Variants in SCML2 observed in about 807,000 individuals in gnomAD.
SCML2 encodes the protein Scm polycomb group protein like 2.
SCML2 carries 6 observed loss-of-function variants against 48.4 expected under a neutral mutation model. The ratio of observed to expected loss-of-function variants is 0.12; its 90% CI spans 0.07 to 0.24. The LOEUF (loss-of-function observed/expected upper bound fraction) is 0.24, where lower values mean the gene tolerates loss of function less well. Among genes scored for constraint, SCML2 ranks in the 10% least tolerant of loss-of-function variants. The pLI, the probability that SCML2 is intolerant of heterozygous loss-of-function variation, is 1.00. For synonymous variants in SCML2, 181 were observed against 189.5 expected (o/e 0.95, Z 0.37); for missense variants, 377 against 528.2 (o/e 0.71, Z 2.81).
rs375173055 is a variant in SCML2, at chrX:18,347,302, G to A, written c.-25+7290C>T. ...TCTACCAAAAATACAAAAATTAGCCGGGTGTGGTGGCGGGCACCTGTAGTC... is the reference window on the plus strand; with the variant it reads ...TCTACCAAAAATACAAAAATTAGCCAGGTGTGGTGGCGGGCACCTGTAGTC... On this transcript the variant is annotated intron_variant, in intron 1 of 14. Transcript: ENST00000251900. Among the ~76,000 whole-genome samples the A allele has an allele frequency of 9.2e-4, 100 of 108,247 alleles. 1 individual carries two copies. The highest frequency in any genetic ancestry group is 2.9e-3 in the African/African-American group (85 of 29,716). The allele number at this position is 108,247 out of a possible 115,157, so 94.0% of individuals were successfully genotyped here. A position where few individuals can be genotyped will look rare whatever the true frequency, so the allele number is the denominator to read the frequency against.
At chrX:18,304,049 AT>A (rs1928678061) in intron 7 of SCML2, among the ~76,000 whole-genome samples, 1 of 111,414 alleles carries the variant, frequency 9.0e-6, no homozygotes, top group South Asian at 3.7e-4. Flanking sequence ...TCATTTATTT[AT>A]TTTTTTGAGA....
At chrX:18,243,226 C>T (rs772192650) in intron 13 of SCML2, among the ~76,000 whole-genome samples, 2 of 111,089 alleles carry the variant, frequency 1.8e-5, no homozygotes, top group Non-Finnish European at 3.8e-5. Context: ...ACACATGCCA[C>T]CACTTGCAGC....
At chrX:18,269,883 T>G (rs1433364234) in intron 7 of SCML2, among the ~76,000 whole-genome samples, 1 of 111,389 alleles carries the variant, frequency 9.0e-6, no homozygotes, top group African/African-American at 3.3e-5. Context: ...CAATATTTGA[T>G]CTAACTATTT....
intron 13 of SCML2, among the ~76,000 whole-genome samples, chrX:18,245,550 C>G (rs779079355): frequency 6.3e-5 from 7 of 111,619 alleles, no homozygotes; most frequent in Non-Finnish European, 1.1e-4. Context: ...TGTGGTTGCC[C>G]ATAGATAACA....
chrX:18,282,741 T>C (rs746086765), intron 7 of SCML2, among the ~76,000 whole-genome samples: 1 of 111,479 alleles, frequency 9.0e-6, no homozygotes, highest in South Asian at 3.8e-4. Context: ...CAAGATTGAA[T>C]AAGAAAGAGA....
chrX:18,270,714 C>A (rs1927426774), intron 7 of SCML2, among the ~76,000 whole-genome samples: 1 of 110,788 alleles, frequency 9.0e-6, no homozygotes, highest in Non-Finnish European at 1.9e-5. Context: ...ACACACACAC[C>A]ATGCTGAAAC....
At chrX:18,289,475 A>C (rs935522797) in intron 7 of SCML2, among the ~76,000 whole-genome samples, 2 of 112,078 alleles carry the variant, frequency 1.8e-5, no homozygotes, top group African/African-American at 6.5e-5. Context: ...AGAGTACTGA[A>C]TATACTCAGT....
chrX:18,318,170 A>C (rs959697919), intron 6 of SCML2, among the ~76,000 whole-genome samples: 1 of 112,721 alleles, frequency 8.9e-6, no homozygotes, highest in South Asian at 3.6e-4. Context: ...GGCTATTCTC[A>C]CACATGGCTT....
At chrX:18,323,489 G>T (rs185052224) in intron 5 of SCML2, among the ~76,000 whole-genome samples, 1 of 111,414 alleles carries the variant, frequency 9.0e-6, no homozygotes. Flanking sequence ...TTGCTGAATG[G>T]CTCAGTGGAC....
intron 1 of SCML2, among the ~76,000 whole-genome samples, chrX:18,347,518 G>A (rs751401713): frequency 4.7e-4 from 50 of 107,020 alleles, no homozygotes; most frequent in African/African-American, 1.7e-3. Context: ...CTGGGAATAC[G>A]AGGTGGGCAG....
intron 9 of SCML2, among the ~76,000 whole-genome samples, chrX:18,259,543 G>A (rs1926982944): frequency 9.0e-6 from 1 of 111,556 alleles, no homozygotes; most frequent in Admixed American, 9.6e-5. Context: ...TGATGACATG[G>A]ACAAATTCTA....
intron 14 of SCML2, among the ~76,000 whole-genome samples, chrX:18,241,850 A>C (rs1320666524): frequency 8.9e-6 from 1 of 111,844 alleles, no homozygotes; most frequent in East Asian, 2.8e-4. Flanking sequence ...AAAACTACTG[A>C]TTTTCTTGCG....
chrX:18,327,764 T>A (rs1929530790), intron 3 of SCML2, among the ~76,000 whole-genome samples: 1 of 111,693 alleles, frequency 9.0e-6, no homozygotes, highest in Non-Finnish European at 1.9e-5. Context: ...TTCCCCTTTT[T>A]CCATAAGGCA....
chrX:18,284,445 A>G (rs1927973297), intron 7 of SCML2, among the ~76,000 whole-genome samples: 1 of 112,361 alleles, frequency 8.9e-6, no homozygotes, highest in South Asian at 3.7e-4. Flanking sequence ...GCACAGCCAA[A>G]GAAACCATCA....
intron 7 of SCML2, among the ~76,000 whole-genome samples, chrX:18,303,813 T>C (rs1928669060): frequency 8.9e-6 from 1 of 111,865 alleles, no homozygotes; most frequent in Non-Finnish European, 1.9e-5. Flanking sequence ...CACTGTGGTA[T>C]ACAGTACTGT....
At chrX:18,343,156 G>A (rs1219794019) in intron 1 of SCML2, among the ~76,000 whole-genome samples, 7 of 100,805 alleles carry the variant, frequency 6.9e-5, no homozygotes, top group African/African-American at 1.5e-4. Context: ...TTTTCCTTTC[G>A]TGTGCCCCAC....
At position 18,296,152 on chromosome X, in the gene SCML2, AATG is replaced by A. The variant is rs1928390776; in HGVS notation, c.730+8817_730+8819del. On this transcript the variant is annotated intron_variant, in intron 7 of 14. Coordinates refer to ENST00000251900, the MANE Select transcript of SCML2 (RefSeq NM_006089.3). ...AAATAGTTGAAAAAGAATTCAAAAT[AATG>A]ATATTAAAGAAGCTCGGTGAGATAC... Among the ~76,000 whole-genome samples the A allele has an allele frequency of 2.7e-5, 3 of 111,423 alleles. No homozygotes were observed. The Admixed American group carries it at 2.9e-4, about 11-fold the overall frequency.
At chrX:18,323,780 T>A (rs1431636724) in intron 5 of SCML2, 79 bp downstream of exon 5, 3 of 768,200 alleles carry the variant, frequency 3.9e-6, no homozygotes, top group South Asian at 4.7e-5. Context: ...AGAAAATAAA[T>A]TTTAAAAGGC....
At chrX:18,352,297 T>C (rs759459508) in intron 1 of SCML2, among the ~76,000 whole-genome samples, 2 of 112,279 alleles carry the variant, frequency 1.8e-5, no homozygotes, top group Non-Finnish European at 3.8e-5. Flanking sequence ...AGAGCACATA[T>C]TGATTTCCAT....
Sources: gnomAD v4.1 joint callset for allele counts (sites outside exome capture counted in the v4.1 genomes callset) on GRCh38, gnomAD v4.1.1 for gene constraint, MANE v1.5 for transcripts, NCBI Gene and HGNC (gene_info 2026-07-23, HGNC 2026-07-21) for gene names.